The following SHISA9 variants were observed in gnomAD, a reference collection of about 807,000 sequenced individuals.
SHISA9 encodes the protein protein shisa-9.
A neutral mutation model predicts 38.0 loss-of-function variants in SHISA9; 13 were observed. The ratio of observed to expected loss-of-function variants is 0.34; its 90% CI spans 0.22 to 0.54. The LOEUF (loss-of-function observed/expected upper bound fraction) is 0.54, where lower values mean the gene tolerates loss of function less well. Among genes scored for constraint, SHISA9 ranks in the 20% least tolerant of loss-of-function variants. The pLI, the probability that SHISA9 is intolerant of heterozygous loss-of-function variation, is 0.91. For synonymous variants in SHISA9, 275 were observed against 242.0 expected (o/e 1.14, Z -1.27); for missense variants, 538 against 575.8 (o/e 0.93, Z 0.67).
intron 1 of SHISA9, 145 bp downstream of exon 1, chr16:12,902,772 A>C: frequency 1.1e-6 from 1 of 888,256 alleles, no homozygotes. Flanking sequence ...CGGGAAGCCA[A>C]CTTCGGCTTG....
the SHISA9 span, among the ~76,000 whole-genome samples, chr16:13,312,961 T>TA: frequency 1.3e-4 from 19 of 151,686 alleles, no homozygotes; most frequent in African/African-American, 4.6e-4. Flanking sequence ...AAATGTTAAA[T>TA]AAAAAAAACC....
chr16:12,960,989 C>T (rs1412204023), intron 2 of SHISA9, among the ~76,000 whole-genome samples: 1 of 151,384 alleles, frequency 6.6e-6, no homozygotes, highest in South Asian at 2.1e-4. Context: ...AAACAGCTAG[C>T]AGTGCAATCA....
chr16:12,970,351 GTGTATATATA>G (rs2072042636), intron 2 of SHISA9, among the ~76,000 whole-genome samples: 7 of 44,894 alleles, frequency 1.6e-4, no homozygotes, highest in Admixed American at 3.1e-4. Flanking sequence ...ATACATATAT[GTGTATATATA>G]TATATATACA....
intron 2 of SHISA9, among the ~76,000 whole-genome samples, chr16:13,114,465 CAAAAAAAAA>C (rs58742818): frequency 2.0e-4 from 10 of 51,020 alleles, no homozygotes; most frequent in East Asian, 8.9e-4. Flanking sequence ...GATTCCATCT[CAAAAAAAAA>C]AAAAAAAAAA....
chr16:12,972,362 C>G (rs1473831361), intron 2 of SHISA9, among the ~76,000 whole-genome samples: 1 of 152,130 alleles, frequency 6.6e-6, no homozygotes, highest in Non-Finnish European at 1.5e-5. Context: ...CTGGCAAGTC[C>G]TAAAACCAAA....
the SHISA9 span, among the ~76,000 whole-genome samples, chr16:13,491,227 T>C: frequency 6.6e-6 from 1 of 152,200 alleles, no homozygotes; most frequent in Non-Finnish European, 1.5e-5. Flanking sequence ...AAGATGCTAC[T>C]GGGAATCCAT....
intron 2 of SHISA9, among the ~76,000 whole-genome samples, chr16:13,098,354 C>A (rs1190882973): frequency 6.6e-6 from 1 of 152,174 alleles, no homozygotes; most frequent in Non-Finnish European, 1.5e-5. Context: ...CCAGCTCTTA[C>A]AGTTAATGGC....
At chr16:13,417,804 A>T in the SHISA9 span, among the ~76,000 whole-genome samples, 1 of 152,210 alleles carries the variant, frequency 6.6e-6, no homozygotes, top group Non-Finnish European at 1.5e-5. Flanking sequence ...GGGCAGGTTA[A>T]TGCCAACGGG....
the SHISA9 span, among the ~76,000 whole-genome samples, chr16:13,533,744 T>C: frequency 6.6e-6 from 1 of 152,092 alleles, no homozygotes; most frequent in Non-Finnish European, 1.5e-5. Flanking sequence ...TTGTGGATTA[T>C]TTCTATAAGT....
the SHISA9 span, among the ~76,000 whole-genome samples, chr16:13,461,566 CA>C: frequency 1.5e-5 from 2 of 137,918 alleles, no homozygotes; most frequent in Non-Finnish European, 3.1e-5. Context: ...GCAACAAGAG[CA>C]AAACTCCCTC....
At chr16:13,074,189 C>G (rs183717246) in intron 2 of SHISA9, among the ~76,000 whole-genome samples, 60 of 152,130 alleles carry the variant, frequency 3.9e-4, no homozygotes, top group African/African-American at 1.4e-3. Flanking sequence ...AGGATGGTCT[C>G]GAACTCCTGA....
chr16:13,002,148 A>G (rs1483023408), intron 2 of SHISA9, among the ~76,000 whole-genome samples: 1 of 152,220 alleles, frequency 6.6e-6, no homozygotes, highest in African/African-American at 2.4e-5. Flanking sequence ...TAAAATGCCT[A>G]TGATATGCCA....
chr16:13,415,799 C>T, the SHISA9 span, among the ~76,000 whole-genome samples: 1 of 122,736 alleles, frequency 8.1e-6, no homozygotes, highest in Non-Finnish European at 1.7e-5. Context: ...AATCCAGTAA[C>T]CTAACCTTCT....
chr16:13,476,735 T>G, the SHISA9 span, among the ~76,000 whole-genome samples: 1 of 138,844 alleles, frequency 7.2e-6, no homozygotes, highest in African/African-American at 2.8e-5. Flanking sequence ...ACGCCTGTTT[T>G]GTGTTTTTTT....
At position 13,030,234 on chromosome 16, in the gene SHISA9, C is replaced by T. The variant is rs190693758; in HGVS notation, c.691+113419C>T. On this transcript the variant is annotated intron_variant, in intron 2 of 4. Coordinates refer to ENST00000558583, the MANE Select transcript of SHISA9 (RefSeq NM_001145204.3). ...ACTGATGGAATCCTATTGCAAGAACCCCCCACTCAGACTGTCTGGGGGCTT... is the reference window on the plus strand; with the variant it reads ...ACTGATGGAATCCTATTGCAAGAACTCCCCACTCAGACTGTCTGGGGGCTT... Among the ~76,000 whole-genome samples, 1,190 of 152,242 alleles carry T rather than the reference C, an allele frequency of 7.8e-3. 23 individuals are homozygous for T. The highest frequency in any genetic ancestry group is 0.027 in the African/African-American group (1,136 of 41,534).
intron 2 of SHISA9, among the ~76,000 whole-genome samples, chr16:12,972,868 C>T (rs1317905470): frequency 6.6e-6 from 1 of 152,028 alleles, no homozygotes; most frequent in Non-Finnish European, 1.5e-5. Flanking sequence ...GTAATCTCAG[C>T]ATTTTGGGAG....
the SHISA9 span, among the ~76,000 whole-genome samples, chr16:13,510,901 A>C: frequency 6.6e-6 from 1 of 152,156 alleles, no homozygotes; most frequent in South Asian, 2.1e-4. Flanking sequence ...AGAAACTGTT[A>C]GTAACTATGT....
the SHISA9 span, among the ~76,000 whole-genome samples, chr16:13,399,618 G>C: frequency 6.6e-6 from 1 of 152,108 alleles, no homozygotes; most frequent in Non-Finnish European, 1.5e-5. Context: ...CCATGGGTCC[G>C]TGGCTTTCTT....
At chr16:13,200,854 A>C (rs896542507) in intron 2 of SHISA9, among the ~76,000 whole-genome samples, 1 of 134,742 alleles carries the variant, frequency 7.4e-6, no homozygotes, top group African/African-American at 2.9e-5. Context: ...ACTGTCCCTA[A>C]CCTCATGCCT....
Sources: gnomAD v4.1 joint callset for allele counts (sites outside exome capture counted in the v4.1 genomes callset) on GRCh38, gnomAD v4.1.1 for gene constraint, MANE v1.5 for transcripts, NCBI Gene and HGNC (gene_info 2026-07-23, HGNC 2026-07-21) for gene names.